PCDHA11: variants seen among roughly 807,000 people sequenced by gnomAD.
PCDHA11 encodes protocadherin alpha-11.
PCDHA11 carries 61 observed loss-of-function variants against 70.3 expected under a neutral mutation model. That is an observed-to-expected ratio of 0.87 (90% CI 0.71 to 1.07). The LOEUF is 1.07. Ranked by LOEUF, PCDHA11 falls within the 50% of genes least tolerant of loss-of-function variation. PCDHA11 has a pLI of 0.00. For missense variants in PCDHA11, 1,324 were observed against 1,237.5 expected (o/e 1.07, Z -1.05); for synonymous variants, 633 against 555.1 (o/e 1.14, Z -1.97).
At chr5:140,970,252 T>G (rs2096392828) in intron 1 of PCDHA11, among the ~76,000 whole-genome samples, 1 of 152,234 alleles carries the variant, frequency 6.6e-6, no homozygotes, top group South Asian at 2.1e-4. Flanking sequence ...GTTGACAGTT[T>G]CTATGGTTTT....
intron 1 of PCDHA11, chr5:140,927,642 T>A: frequency 6.2e-7 from 1 of 1,614,156 alleles, no homozygotes; most frequent in Non-Finnish European, 8.5e-7. Flanking sequence ...CCAATGGGAC[T>A]GTGTTATTCC....
chr5:140,883,674 C>T (rs782029001), intron 1 of PCDHA11: 5 of 1,613,738 alleles, frequency 3.1e-6, no homozygotes, highest in African/African-American at 2.7e-5. Flanking sequence ...GAAAACAATC[C>T]GCCGGGCTGC....
chr5:141,006,525 T>G (rs1366958955), intron 3 of PCDHA11, among the ~76,000 whole-genome samples: 1 of 152,108 alleles, frequency 6.6e-6, no homozygotes, highest in African/African-American at 2.4e-5. Context: ...TATACATCAG[T>G]TTTTAAAGAG....
chr5:140,875,876 A>C, intron 1 of PCDHA11: 1 of 1,614,178 alleles, frequency 6.2e-7, no homozygotes, highest in South Asian at 1.1e-5. Flanking sequence ...GTGTTCAGAG[A>C]AAGGGAACAA....
intron 1 of PCDHA11, among the ~76,000 whole-genome samples, chr5:140,955,016 T>C (rs1389069329): frequency 6.6e-6 from 1 of 152,226 alleles, no homozygotes; most frequent in Admixed American, 6.5e-5. Context: ...CCCAGCACCA[T>C]TTATTAAATA....
intron 1 of PCDHA11, among the ~76,000 whole-genome samples, chr5:140,946,990 C>T (rs181802680): frequency 2.6e-5 from 4 of 151,580 alleles, no homozygotes; most frequent in African/African-American, 9.7e-5. Context: ...TTTGAGTGTT[C>T]TAACTTCAAA....
Position 140,873,357 on chromosome 5 carries a change from G to T in PCDHA11, c.2391+1863G>T, listed in dbSNP as rs564914388. On this transcript the variant is annotated intron_variant, in intron 1 of 3. Coordinates refer to ENST00000398640, the MANE Select transcript of PCDHA11 (RefSeq NM_018902.5). ...TACTCATCTCCAGATGAAATTTTTG[G>T]AATAACTGAAGATCTTTTAAAGACT... Among the ~76,000 whole-genome samples the T allele has an allele frequency of 2.0e-5, 3 of 152,172 alleles. No individual in the cohort carries two copies. In the South Asian group the frequency reaches 6.2e-4, roughly 32 times the overall value.
chr5:140,987,358 T>C (rs1554249108), intron 3 of PCDHA11, among the ~76,000 whole-genome samples: 2 of 152,208 alleles, frequency 1.3e-5, no homozygotes, highest in Non-Finnish European at 2.9e-5. Context: ...CCTGAGGTTG[T>C]CTTATATCAT....
At chr5:141,003,307 C>T (rs2153977029) in intron 3 of PCDHA11, among the ~76,000 whole-genome samples, 1 of 152,252 alleles carries the variant, frequency 6.6e-6, no homozygotes. Flanking sequence ...ATGAAGTGGC[C>T]AGCTACTTCC....
chr5:140,946,611 A>T (rs868983636), intron 1 of PCDHA11, among the ~76,000 whole-genome samples: 1 of 86,804 alleles, frequency 1.2e-5, no homozygotes, highest in Admixed American at 1.2e-4. Context: ...GAAAATGTGA[A>T]ATATATATAT....
In PCDHA11 at chr5:140,978,698, A is replaced by C. The variant is rs150194035; in HGVS notation, c.2392-251A>C. 1.4e-3 allele frequency among the ~76,000 whole-genome samples: 215 copies of C among 152,372 alleles called. 5 individuals carry two copies. In the South Asian group the frequency reaches 0.033, roughly 23 times the overall value. ...ACATGTATTGGGCAAGGCAAAGCCA[A>C]AGGTGGCCTTTACAAGATTATTAAA... is the stretch of plus-strand genomic sequence containing the variant. On this transcript the variant is annotated intron_variant, in intron 1 of 3. Transcript: ENST00000398640.
At chr5:140,931,853 G>A (rs2087796602) in intron 1 of PCDHA11, among the ~76,000 whole-genome samples, 1 of 151,744 alleles carries the variant, frequency 6.6e-6, no homozygotes, top group African/African-American at 2.4e-5. Context: ...ATAACAACAG[G>A]ATTCTAGAAA....
intron 1 of PCDHA11, chr5:140,966,754 G>A (rs1554228611): frequency 1.4e-6 from 2 of 1,432,146 alleles, no homozygotes; most frequent in South Asian, 3.0e-5. Context: ...TGCCTCCGCC[G>A]CGGCCAGTGG....
chr5:140,932,583 G>A (rs1007147257), intron 1 of PCDHA11, among the ~76,000 whole-genome samples: 29 of 151,810 alleles, frequency 1.9e-4, no homozygotes, highest in Admixed American at 1.8e-3. Flanking sequence ...AGGGTAATTA[G>A]ATGTTTTGTA....
chr5:140,970,595 G>C (rs1554232604), intron 1 of PCDHA11, among the ~76,000 whole-genome samples: 1 of 152,098 alleles, frequency 6.6e-6, no homozygotes, highest in African/African-American at 2.4e-5. Context: ...TATGCTTTGT[G>C]ATACTTAAAA....
chr5:140,889,700 T>C (rs1554184005), intron 1 of PCDHA11, among the ~76,000 whole-genome samples: 1 of 152,200 alleles, frequency 6.6e-6, no homozygotes, highest in African/African-American at 2.4e-5. Context: ...TATGGGCATA[T>C]TCCACAAGTT....
chr5:140,891,133 A>AAAGGT (rs1241650823), intron 1 of PCDHA11, among the ~76,000 whole-genome samples: 2 of 152,106 alleles, frequency 1.3e-5, no homozygotes, highest in Non-Finnish European at 1.5e-5. Context: ...TCATTCCTTT[A>AAAGGT]AAGGTATTCT....
chr5:140,942,518 G>A (rs2093312014), intron 1 of PCDHA11, among the ~76,000 whole-genome samples: 1 of 151,908 alleles, frequency 6.6e-6, no homozygotes, highest in Non-Finnish European at 1.5e-5. Flanking sequence ...ACTCAGAGGG[G>A]AAGCAACTAA....
chr5:140,899,267 G>C lies in PCDHA11; in HGVS notation c.2391+27773G>C, dbSNP rs1397421903. Among the ~76,000 whole-genome samples, 367 of 152,064 alleles carry C rather than the reference G, an allele frequency of 2.4e-3. 2 individuals carry two copies. The highest frequency in any genetic ancestry group is 8.5e-3 in the African/African-American group (354 of 41,454). On this transcript the variant is annotated intron_variant, in intron 1 of 3. Coordinates refer to ENST00000398640, the MANE Select transcript of PCDHA11 (RefSeq NM_018902.5). ...TGAGAGAGGGCATCCCTGTCTTGTGGCAGTTTTCAAAGGGAATACTTCCAG... is the reference window on the plus strand; with the variant it reads ...TGAGAGAGGGCATCCCTGTCTTGTGCCAGTTTTCAAAGGGAATACTTCCAG...
Sources: gnomAD v4.1 joint callset for allele counts (sites outside exome capture counted in the v4.1 genomes callset) on GRCh38, gnomAD v4.1.1 for gene constraint, MANE v1.5 for transcripts, NCBI Gene and HGNC (gene_info 2026-07-23, HGNC 2026-07-21) for gene names.